NRXN1: variants seen among roughly 807,000 people sequenced by gnomAD.
NRXN1 encodes the protein neurexin-1.
Under a neutral mutation model 150.9 loss-of-function variants are expected in NRXN1, and 39 were observed. The observed-to-expected ratio is 0.26, with a 90% CI of 0.20 to 0.34. The LOEUF (loss-of-function observed/expected upper bound fraction) is 0.34. NRXN1 is among the 10% of genes least tolerant of loss of function. The pLI, the probability that NRXN1 is intolerant of heterozygous loss-of-function variation, is 1.00. For synonymous variants in NRXN1, 924 were observed against 757.0 expected, an observed-to-expected ratio of 1.22 and a Z score of -3.62; for missense variants, 1,815 against 1,949.9, an observed-to-expected ratio of 0.93 and a Z score of 1.30.
chr2:49,949,370 C>T (rs1387049825), intron 21 of NRXN1, among the ~76,000 whole-genome samples: 1 of 151,912 alleles, frequency 6.6e-6, no homozygotes, highest in Non-Finnish European at 1.5e-5. Context: ...TATAGCTTAA[C>T]TGCATATCTG....
chr2:50,184,335 T>TCA (rs1426346886), intron 18 of NRXN1, among the ~76,000 whole-genome samples: 2 of 151,994 alleles, frequency 1.3e-5, no homozygotes, highest in Admixed American at 6.6e-5. Flanking sequence ...GGACCAGGGA[T>TCA]CCACATTTTG....
intron 21 of NRXN1, among the ~76,000 whole-genome samples, chr2:50,020,202 T>C (rs1687360087): frequency 6.6e-6 from 1 of 152,082 alleles, no homozygotes; most frequent in African/African-American, 2.4e-5. Context: ...GAACAATGGG[T>C]AATCCATATT....
intron 21 of NRXN1, among the ~76,000 whole-genome samples, chr2:49,971,431 G>A (rs777766658): frequency 2.6e-4 from 40 of 152,118 alleles, no homozygotes; most frequent in Non-Finnish European, 2.8e-4. Flanking sequence ...CTTGGCAGTT[G>A]AGCCCAAATG....
chr2:50,052,038 T>C (rs534839616), intron 21 of NRXN1, among the ~76,000 whole-genome samples: 1 of 152,116 alleles, frequency 6.6e-6, no homozygotes, highest in Non-Finnish European at 1.5e-5. Flanking sequence ...TCATCTATTC[T>C]GTTCCTCTCA....
chr2:50,176,969 T>A (rs1237436466), intron 18 of NRXN1, among the ~76,000 whole-genome samples: 1 of 152,156 alleles, frequency 6.6e-6, no homozygotes, highest in Non-Finnish European at 1.5e-5. Context: ...GTTTCTGTTC[T>A]TAAAAGAAAC....
chr2:50,288,256 T>C (rs972893298), intron 17 of NRXN1, among the ~76,000 whole-genome samples: 1 of 152,188 alleles, frequency 6.6e-6, no homozygotes, highest in Non-Finnish European at 1.5e-5. Context: ...CATTTGACGA[T>C]GTTGAGAGAT....
At chr2:50,582,978 T>C (rs1179448112) in intron 8 of NRXN1, among the ~76,000 whole-genome samples, 1 of 138,710 alleles carries the variant, frequency 7.2e-6, no homozygotes, top group African/African-American at 2.5e-5. Flanking sequence ...TCTCTCTCCC[T>C]CTCTTTCTTC....
chr2:50,851,718 C>T (rs547149391), intron 5 of NRXN1, among the ~76,000 whole-genome samples: 15 of 152,090 alleles, frequency 9.9e-5, no homozygotes, highest in Admixed American at 7.2e-4. Context: ...GGAAATAAAA[C>T]ATACAGGAGA....
intron 22 of NRXN1, among the ~76,000 whole-genome samples, chr2:49,942,609 A>ATTG (rs1261066212): frequency 2.7e-5 from 4 of 150,192 alleles, no homozygotes. Context: ...TATTATTATT[A>ATTG]TTATTTTATT....
intron 17 of NRXN1, among the ~76,000 whole-genome samples, chr2:50,283,336 C>G (rs1232163780): frequency 1.3e-5 from 2 of 152,122 alleles, no homozygotes; most frequent in Admixed American, 1.3e-4. Context: ...TCTGAAGATG[C>G]ATTTATGTGT....
chr2:51,012,677 C>T (rs906932812), intron 2 of NRXN1, among the ~76,000 whole-genome samples: 1 of 151,970 alleles, frequency 6.6e-6, no homozygotes, highest in Non-Finnish European at 1.5e-5. Context: ...ATCTCACCTC[C>T]TCCTGTGTGA....
chr2:50,297,129 TGCACCC>T (rs1308641770), intron 17 of NRXN1, among the ~76,000 whole-genome samples: 1 of 152,116 alleles, frequency 6.6e-6, no homozygotes, highest in African/African-American at 2.4e-5. Context: ...GACCTTGTGA[TGCACCC>T]GCCTCAGCCT....
At chr2:50,264,779 A>G (rs967692814) in intron 17 of NRXN1, among the ~76,000 whole-genome samples, 2 of 152,086 alleles carry the variant, frequency 1.3e-5, no homozygotes, top group African/African-American at 2.4e-5. Flanking sequence ...ATTTCAGTAA[A>G]GAGTTATAAT....
At chr2:50,600,403 C>A (rs537770945) in intron 8 of NRXN1, among the ~76,000 whole-genome samples, 1 of 148,022 alleles carries the variant, frequency 6.8e-6, no homozygotes, top group East Asian at 2.0e-4. Context: ...TGGCTCACTG[C>A]AACCTCCACC....
At chr2:50,188,209 A>C (rs1481743433) in intron 18 of NRXN1, among the ~76,000 whole-genome samples, 1 of 152,140 alleles carries the variant, frequency 6.6e-6, no homozygotes, top group African/African-American at 2.4e-5. Context: ...AGGCCTCAGA[A>C]ATAACACCGC....
chr2:50,553,241 T>G (rs1019368468), intron 8 of NRXN1, among the ~76,000 whole-genome samples: 4 of 152,246 alleles, frequency 2.6e-5, no homozygotes, highest in African/African-American at 7.2e-5. Flanking sequence ...ATAATGTGTG[T>G]GCAGATGCAC....
In NRXN1 at chr2:50,969,389, T is replaced by C. The variant is rs546650093; in HGVS notation, c.773-43434A>G. ...CTCATCTTTGTATCTCAAATGTCAT[T>C]ACACATAGTAAATGATTAATAAATG... On this transcript the variant is annotated intron_variant, in intron 2 of 22. Coordinates refer to ENST00000401669, the MANE Select transcript of NRXN1 (RefSeq NM_001330078.2). Among the ~76,000 whole-genome samples the C allele has an allele frequency of 1.7e-4, 26 of 152,248 alleles. No individual in the cohort carries two copies. The South Asian group carries it at 4.4e-3, about 26-fold the overall frequency.
intron 18 of NRXN1, among the ~76,000 whole-genome samples, chr2:50,163,186 A>ATATATATATATATATATATATATATATAT (rs10671380): frequency 2.8e-5 from 4 of 143,536 alleles, no homozygotes; most frequent in South Asian, 2.1e-4. Context: ...ATATATATAT[A>ATATATATATATATATATATATATATATAT]AAACAATACT....
intron 15 of NRXN1, among the ~76,000 whole-genome samples, chr2:50,492,515 G>C (rs2104874830): frequency 6.6e-6 from 1 of 152,260 alleles, no homozygotes; most frequent in Middle Eastern, 3.4e-3. Flanking sequence ...CAGAGCCACG[G>C]ACAAAAGAAT....
Sources: gnomAD v4.1 joint callset for allele counts (sites outside exome capture counted in the v4.1 genomes callset) on GRCh38, gnomAD v4.1.1 for gene constraint, MANE v1.5 for transcripts, NCBI Gene and HGNC (gene_info 2026-07-23, HGNC 2026-07-21) for gene names.